FAM234A: variants seen among roughly 807,000 people sequenced by gnomAD.
The protein encoded by FAM234A is family with sequence similarity 234 member A, also known as protein FAM234A.
Under a neutral mutation model 49.1 loss-of-function variants are expected in FAM234A, and 42 were observed. The observed-to-expected ratio is 0.86, with a 90% CI of 0.67 to 1.11. The LOEUF (loss-of-function observed/expected upper bound fraction) is 1.11, where lower values mean the gene tolerates loss of function less well. Ranked by LOEUF, FAM234A falls within the 50% of genes least tolerant of loss-of-function variation. FAM234A has a pLI of 0.00. For missense variants in FAM234A, 815 were observed against 745.2 expected (o/e 1.09, Z -1.09); for synonymous variants, 369 against 316.2 (o/e 1.17, Z -1.77).
chr16:266,297 T>G (rs1199774149), downstream of FAM234A, among the ~76,000 whole-genome samples: 3 of 152,128 alleles, frequency 2.0e-5, no homozygotes, highest in Non-Finnish European at 4.4e-5. Context: ...AATCTTGACA[T>G]CCTCTGGGGG....
At chr16:238,116 T>C (rs2050467083) in intron 1 of FAM234A, among the ~76,000 whole-genome samples, 1 of 152,092 alleles carries the variant, frequency 6.6e-6, no homozygotes, top group Non-Finnish European at 1.5e-5. Flanking sequence ...CCTCCCAGGT[T>C]CAAGCGATTC....
In FAM234A at chr16:234,837, G is replaced by C. The variant is rs1446938082; in HGVS notation, c.-160G>C. 1 of 152,594 alleles carries C rather than the reference G, an allele frequency of 6.6e-6. No homozygotes were observed. The highest frequency in any genetic ancestry group is 1.5e-5 in the Non-Finnish European group (1 of 68,208). The allele number at this position is 152,594 out of a possible 1,614,324, so 9.5% of individuals were successfully genotyped here. On this transcript the variant is annotated 5_prime_UTR_variant, in exon 1 of 13. Coordinates refer to ENST00000399932, the MANE Select transcript of FAM234A (RefSeq NM_032039.4). ...GGGGGCGGGGCCAGCGGCGCGGTCG[G>C]GTGAGAGGCCGCGGCGGCAGGTGAG...
intron 1 of FAM234A, among the ~76,000 whole-genome samples, chr16:242,490 A>T (rs2142246697): frequency 6.6e-6 from 1 of 152,090 alleles, no homozygotes; most frequent in Non-Finnish European, 1.5e-5. Flanking sequence ...CTGGGTTTAT[A>T]GGCACGAGTC....
At chr16:257,164 C>A (rs1567220004) in intron 3 of FAM234A, among the ~76,000 whole-genome samples, 1 of 151,836 alleles carries the variant, frequency 6.6e-6, no homozygotes, top group Non-Finnish European at 1.5e-5. Context: ...CCGGTGTGAA[C>A]CACCACGCCC....
chr16:243,792 G>A (rs555317412), intron 1 of FAM234A, among the ~76,000 whole-genome samples: 28 of 152,266 alleles, frequency 1.8e-4, no homozygotes, highest in African/African-American at 6.7e-4. Context: ...GTGAAAGCAT[G>A]TGCAGAGGCT....
chr16:256,940 C>G (rs2051256928), intron 3 of FAM234A, among the ~76,000 whole-genome samples: 1 of 152,076 alleles, frequency 6.6e-6, no homozygotes, highest in South Asian at 2.1e-4. Context: ...CGGGGTTTCT[C>G]CATGTTGGTC....
At chr16:242,033 C>T (rs1420488000) in intron 1 of FAM234A, among the ~76,000 whole-genome samples, 1 of 152,124 alleles carries the variant, frequency 6.6e-6, no homozygotes, top group Non-Finnish European at 1.5e-5. Flanking sequence ...TTCCTTTCTG[C>T]ATGGACTGTG....
intron 1 of FAM234A, among the ~76,000 whole-genome samples, chr16:240,430 G>C (rs1359479824): frequency 6.6e-6 from 1 of 152,054 alleles, no homozygotes; most frequent in African/African-American, 2.4e-5. Context: ...CTCTGGGGTG[G>C]AGTGTGGTTA....
At position 258,155 on chromosome 16, in the gene FAM234A, A is replaced by ATT. The variant is rs577801424; in HGVS notation, c.269-1311_269-1310dup. 3.7e-3 allele frequency among the ~76,000 whole-genome samples: 490 copies of ATT among 134,060 alleles called. 4 individuals carry two copies. The highest frequency in any genetic ancestry group is 0.01 in the African/African-American group (377 of 36,590). 87.9% of individuals were successfully genotyped at this position (134,060 alleles called of 152,430 possible). ...AGGCGTGAGCCACCTCACCCGGCCT[A>ATT]TTTTTTTTTTTTTTTTTTATTGATC... is the stretch of plus-strand genomic sequence containing the variant. On this transcript the variant is annotated intron_variant, in intron 3 of 12. Coordinates refer to ENST00000399932, the MANE Select transcript of FAM234A (RefSeq NM_032039.4).
chr16:241,342 G>T (rs1317095711), intron 1 of FAM234A, among the ~76,000 whole-genome samples: 1 of 152,056 alleles, frequency 6.6e-6, no homozygotes, highest in Non-Finnish European at 1.5e-5. Flanking sequence ...AGCACTTCGG[G>T]AGGCAGAGGT....
At chr16:240,324 CAG>C (rs1472141824) in intron 1 of FAM234A, 2 of 152,140 alleles carry the variant, frequency 1.3e-5, no homozygotes, top group African/African-American at 4.8e-5. Flanking sequence ...CCATTTGGCT[CAG>C]GGGACACAGC....
chr16:262,440 C>A lies in FAM234A; in HGVS notation c.858C>A (p.Gly286=). Residue 286 remains glycine (G), a synonymous_variant, in exon 8 of 13, where the codon GGC becomes GGA. Transcript: ENST00000399932. ...ILFPCASSLC[G]CSVKGLYEKV... ...TTTGAATAGCAAGCTCCCTCTGCGG[C>A]TGCTCTGTGAAGGGTCTCTACGAGA... 6.2e-7 allele frequency: 1 copy of A among 1,606,460 alleles called. No individual in the cohort carries two copies. Among genetic ancestry groups the A allele is most frequent in the Non-Finnish European group, 8.5e-7 (1 of 1,175,950 alleles).
At chr16:238,672 A>G (rs771209781) in intron 1 of FAM234A, among the ~76,000 whole-genome samples, 1 of 144,004 alleles carries the variant, frequency 6.9e-6, no homozygotes. Context: ...AGGCTGAGGC[A>G]GGAGAATGGC....
At position 254,691 on chromosome 16, in the gene FAM234A, G is replaced by C; in HGVS notation, c.268+10G>C. The C allele has an allele frequency of 6.2e-7, 1 of 1,612,412 alleles. No individual in the cohort carries two copies. Among genetic ancestry groups the C allele is most frequent in the South Asian group, 1.1e-5 (1 of 90,980 alleles). On this transcript the variant is annotated intron_variant, in intron 3 of 12. Transcript: ENST00000399932. The stretch of plus-strand genomic sequence containing the variant: ...GACTACAGTGCCGCTGGTGAGCCTC[G>C]GCTTCCCCGCCCAGTGGGGTCCAAA...
Position 264,089 on chromosome 16 carries a change from T to A in FAM234A, c.1262T>A (p.Leu421Gln), listed in dbSNP as rs767537349. ...LALPSLPGGP[L>Q]SASLPTADHR... ...CTCCCGAGCCTCCCTGGGGGTCCAC[T>A]GTCCGCCAGCCTGCCGACCGCAGAC... The change falls in exon 11 of 13, where the codon CTG (leucine) becomes CAG (glutamine). Residue 421 changes from leucine to glutamine, a missense_variant. Physicochemically the swap from Leu to Gln is moderately radical, Grantham distance 113. Transcript: ENST00000399932. 1 of 1,612,590 alleles carries A rather than the reference T, an allele frequency of 6.2e-7. No individual in the cohort carries two copies. Among genetic ancestry groups the A allele is most frequent in the South Asian group, 1.1e-5 (1 of 91,052 alleles).
downstream of FAM234A, chr16:268,586 A>G: frequency 3.2e-6 from 2 of 618,186 alleles, no homozygotes; most frequent in South Asian, 1.9e-5. Context: ...GGGCCTCGTC[A>G]GTGGGGTGAC....
intron 5 of FAM234A, 103 bp from the exon 6 acceptor site, chr16:261,281 G>T: frequency 7.2e-7 from 1 of 1,384,272 alleles, no homozygotes; most frequent in South Asian, 1.3e-5. Context: ...GCTCACGAGG[G>T]TGATGCCTCA....
At chr16:250,466 G>T (rs2050961330) in intron 2 of FAM234A, among the ~76,000 whole-genome samples, 1 of 151,938 alleles carries the variant, frequency 6.6e-6, no homozygotes, top group South Asian at 2.1e-4. Context: ...GAGGTCCTTG[G>T]TCGCGACTCA....
chr16:260,438 G>A, intron 5 of FAM234A: 1 of 529,566 alleles, frequency 1.9e-6, no homozygotes. Context: ...ACCTGCCATG[G>A]GGTAGCAGAG....
Sources: allele counts gnomAD v4.1 joint callset (sites outside exome capture counted in the v4.1 genomes callset), GRCh38; gene constraint gnomAD v4.1.1; transcripts MANE v1.5; gene names NCBI Gene and HGNC (gene_info 2026-07-23, HGNC 2026-07-21).